The following MAP2K2 variants were observed in gnomAD, a reference collection of about 807,000 sequenced individuals.
The protein encoded by MAP2K2 is dual specificity mitogen-activated protein kinase kinase 2.
Under a neutral mutation model 43.7 loss-of-function variants are expected in MAP2K2, and 24 were observed. The ratio of observed to expected loss-of-function variants is 0.55; its 90% CI spans 0.40 to 0.77. The LOEUF is 0.77. MAP2K2 is among the 30% of genes least tolerant of loss of function. MAP2K2 has a pLI of 0.00. For synonymous variants in MAP2K2, 244 were observed against 239.7 expected (o/e 1.02, Z -0.17); for missense variants, 470 against 566.8 (o/e 0.83, Z 1.73).
At chr19:4,109,159 G>A (rs1398788066) in intron 3 of MAP2K2, among the ~76,000 whole-genome samples, 2 of 152,194 alleles carry the variant, frequency 1.3e-5, no homozygotes, top group African/African-American at 2.4e-5. Context: ...TGCGGCAGGC[G>A]GTCTGATACC....
chr19:4,093,598 A>G (rs1327040240), intron 10 of MAP2K2, among the ~76,000 whole-genome samples: 2 of 151,836 alleles, frequency 1.3e-5, no homozygotes, highest in Non-Finnish European at 2.9e-5. Flanking sequence ...GGCTGACTGG[A>G]GAATTGTGTG....
chr19:4,094,380 A>T lies in MAP2K2; in HGVS notation c.1092+73T>A, dbSNP rs1187013958. On this transcript the variant is annotated intron_variant, in intron 10 of 10. Coordinates refer to ENST00000262948, the MANE Select transcript of MAP2K2 (RefSeq NM_030662.4). ...TGGCTCCCCGGGCAGGGCCAGGCCC[A>T]GCAGCCTTATTTCCTGGGGCCTGGG... is the stretch of plus-strand genomic sequence containing the variant. The T allele has an allele frequency of 2.0e-6, 3 of 1,487,288 alleles. No individual in the cohort carries two copies. The African/African-American group carries it at 4.2e-5, about 21-fold the overall frequency. 92.1% of individuals were successfully genotyped at this position (1,487,288 alleles called of 1,614,324 possible). A position where few individuals can be genotyped will look rare whatever the true frequency, so the allele number is the denominator to read the frequency against.
At position 4,090,387 on chromosome 19, in the gene MAP2K2, C is replaced by T; in HGVS notation, c.*211G>A. 1 of 615,516 alleles carries T rather than the reference C, an allele frequency of 1.6e-6. No homozygotes were observed. The highest frequency in any genetic ancestry group is 2.9e-6 in the Non-Finnish European group (1 of 342,330). 38.1% of individuals were successfully genotyped at this position (615,516 alleles called of 1,614,324 possible). A position where few individuals can be genotyped will look rare whatever the true frequency, so the allele number is the denominator to read the frequency against. On this transcript the variant is annotated 3_prime_UTR_variant, in exon 11 of 11. Transcript: ENST00000262948. ...GCAGAGCCTCTGAGACCACACACAG[C>T]AGCGTCGCCCGTCCCCAGAGGCACC...
Position 4,111,092 on chromosome 19 carries a change from T to C in MAP2K2, c.304-437A>G, listed in dbSNP as rs74709455. Among the ~76,000 whole-genome samples the C allele has an allele frequency of 4.1e-3, 627 of 152,176 alleles. 3 individuals are homozygous for C. Among genetic ancestry groups the C allele is most frequent in the African/African-American group, 0.014 (594 of 41,526 alleles). On this transcript the variant is annotated intron_variant, in intron 2 of 10. Coordinates refer to ENST00000262948, the MANE Select transcript of MAP2K2 (RefSeq NM_030662.4). ...CTGTGAAATGTCCAGGACAGGCTGA[T>C]CCAGAGACAGGAAGGGGATGTGTGG...
intron 3 of MAP2K2, among the ~76,000 whole-genome samples, chr19:4,104,142 G>A (rs2041053739): frequency 6.6e-6 from 1 of 151,764 alleles, no homozygotes; most frequent in African/African-American, 2.4e-5. Flanking sequence ...GTGGATGCCT[G>A]TAATCTCAGC....
In MAP2K2 at chr19:4,102,948, G is replaced by A. The variant is rs142962269; in HGVS notation, c.451-495C>T. 1,156 of 1,106,072 alleles carry A rather than the reference G, an allele frequency of 1.0e-3. 8 individuals carry two copies. The African/African-American group carries it at 0.016, about 15-fold the overall frequency. The allele number at this position is 1,106,072 out of a possible 1,614,324, so 68.5% of individuals were successfully genotyped here. A position where few individuals can be genotyped will look rare whatever the true frequency, so the allele number is the denominator to read the frequency against. ...GGAGGAGACGCGGGTGCTGCCCCGCGTGGGAGGAGGCGGCGGGTCGCTGTG... is the reference window on the plus strand; with the variant it reads ...GGAGGAGACGCGGGTGCTGCCCCGCATGGGAGGAGGCGGCGGGTCGCTGTG... On this transcript the variant is annotated intron_variant, in intron 3 of 10. Transcript: ENST00000262948.
chr19:4,105,309 C>T (rs1431927857), intron 3 of MAP2K2, among the ~76,000 whole-genome samples: 1 of 151,384 alleles, frequency 6.6e-6, no homozygotes. Context: ...CGCTCTGTTG[C>T]CCAGGCGGGG....
At chr19:4,111,943 G>C (rs747109512) in intron 2 of MAP2K2, among the ~76,000 whole-genome samples, 1 of 151,806 alleles carries the variant, frequency 6.6e-6, no homozygotes, top group Non-Finnish European at 1.5e-5. Context: ...ACAAGAGCGA[G>C]ACTTTGTCTC....
Position 4,097,027 on chromosome 19 carries a change from CA to C in MAP2K2, c.984+251del, listed in dbSNP as rs11353017. On this transcript the variant is annotated intron_variant, in intron 8 of 10. Transcript: ENST00000262948. Reference sequence around the variant, plus strand: ...TGCACTACAAAGCTAGACAATGTCTCAAAAAAAAAAAAAAAAATTAGCTGGG... The same window carrying C: ...TGCACTACAAAGCTAGACAATGTCTCAAAAAAAAAAAAAAAATTAGCTGGG... 0.53 allele frequency among the ~76,000 whole-genome samples: 68,722 copies of C among 130,316 alleles called. 18,768 individuals are homozygous for C. The highest frequency in any genetic ancestry group is 0.81 in the East Asian group (3,537 of 4,376). The allele number at this position is 130,316 out of a possible 152,430, so 85.5% of individuals were successfully genotyped here.
rs778992503 is a variant in MAP2K2 at position 4,115,590 on chromosome 19, G to A, written c.303+1829C>T. 9.2e-5 allele frequency among the ~76,000 whole-genome samples: 14 copies of A among 152,188 alleles called. No individual in the cohort carries two copies. Among genetic ancestry groups the A allele is most frequent in the Admixed American group, 2.0e-4 (3 of 15,270 alleles). On this transcript the variant is annotated intron_variant, in intron 2 of 10. Coordinates refer to ENST00000262948, the MANE Select transcript of MAP2K2 (RefSeq NM_030662.4). This position sits in a 1 kb window ranked among gnomAD's most constrained non-coding sequence, Gnocchi z 4.1. ...GTTTGGAAGAGGCTGCCTGCAGTACGGGGACAGAAATAGCAAGTCCGCGGC... is the reference window on the plus strand; with the variant it reads ...GTTTGGAAGAGGCTGCCTGCAGTACAGGGACAGAAATAGCAAGTCCGCGGC...
chr19:4,115,402 A>C lies in MAP2K2; in HGVS notation c.303+2017T>G, dbSNP rs929682723. Among the ~76,000 whole-genome samples the C allele has an allele frequency of 6.6e-6, 1 of 152,170 alleles. No homozygotes were observed. The highest frequency in any genetic ancestry group is 1.5e-5 in the Non-Finnish European group (1 of 68,020). On this transcript the variant is annotated intron_variant, in intron 2 of 10. Transcript: ENST00000262948. This position sits in a 1 kb window ranked among gnomAD's most constrained non-coding sequence, Gnocchi z 4.1. Reference sequence around the variant, plus strand: ...TGGGTTCATGTCCACTGCCCAGCCCATCAGGGACCACTGGAGGCTCCCCCA... The same window carrying C: ...TGGGTTCATGTCCACTGCCCAGCCCCTCAGGGACCACTGGAGGCTCCCCCA...
intron 2 of MAP2K2, among the ~76,000 whole-genome samples, chr19:4,114,364 G>GGTC (rs972854518): frequency 3.3e-5 from 5 of 152,320 alleles, no homozygotes; most frequent in African/African-American, 1.2e-4. Context: ...CTTCGACTCA[G>GGTC]GTCGTCACTT....
intron 3 of MAP2K2, among the ~76,000 whole-genome samples, chr19:4,109,808 T>C (rs1460522333): frequency 1.3e-5 from 2 of 152,188 alleles, no homozygotes; most frequent in Non-Finnish European, 2.9e-5. Flanking sequence ...GCATCTACCC[T>C]GGAACCCAGC....
At chr19:4,095,135 G>C (rs898711188) in intron 9 of MAP2K2, 2 of 487,652 alleles carry the variant, frequency 4.1e-6, no homozygotes, top group African/African-American at 3.9e-5. Context: ...CAGTGAGCTG[G>C]GGACACCGTC....
chr19:4,091,655 A>G (rs1003444575), intron 10 of MAP2K2, among the ~76,000 whole-genome samples: 2 of 143,942 alleles, frequency 1.4e-5, no homozygotes, highest in Admixed American at 7.0e-5. Context: ...AACTGGCCTT[A>G]ATTTTTATTT....
At chr19:4,097,580 C>A (rs1036121263) in intron 7 of MAP2K2, among the ~76,000 whole-genome samples, 1 of 152,200 alleles carries the variant, frequency 6.6e-6, no homozygotes, top group African/African-American at 2.4e-5. Flanking sequence ...GCAAAAGGAA[C>A]AAGAACATTT....
At chr19:4,107,780 G>A (rs2041103786) in intron 3 of MAP2K2, among the ~76,000 whole-genome samples, 1 of 152,142 alleles carries the variant, frequency 6.6e-6, no homozygotes, top group African/African-American at 2.4e-5. Context: ...AAACAGCGTA[G>A]AAATACAGGG....
intron 3 of MAP2K2, among the ~76,000 whole-genome samples, chr19:4,105,155 CG>C (rs2041068465): frequency 5.8e-5 from 8 of 137,688 alleles, no homozygotes; most frequent in Admixed American, 5.6e-4. Context: ...ACACGTCTAC[CG>C]TGTGTGTGTG....
intron 3 of MAP2K2, among the ~76,000 whole-genome samples, chr19:4,103,947 C>T (rs1351289339): frequency 6.6e-6 from 1 of 152,106 alleles, no homozygotes; most frequent in East Asian, 1.9e-4. Flanking sequence ...TATCAATCTA[C>T]CTTAAAAGAA....
Sources: gnomAD v4.1 joint callset for allele counts (sites outside exome capture counted in the v4.1 genomes callset) on GRCh38, gnomAD v4.1.1 for gene constraint, Gnocchi (gnomAD v3.1) non-coding constraint, MANE v1.5 for transcripts, NCBI Gene and HGNC (gene_info 2026-07-23, HGNC 2026-07-21) for gene names.